The following FBRSL1 variants were observed in gnomAD, a reference collection of about 807,000 sequenced individuals.
FBRSL1 encodes the protein fibrosin like 1.
Under a neutral mutation model 89.6 loss-of-function variants are expected in FBRSL1, and 51 were observed. That is an observed-to-expected ratio of 0.57 (90% CI 0.45 to 0.72). The LOEUF (loss-of-function observed/expected upper bound fraction) is 0.72. FBRSL1 is among the 30% of genes least tolerant of loss of function. The probability of loss-of-function intolerance (pLI) is 0.00; values close to 1 mark genes in which losing one functional copy is unlikely to be tolerated. For missense variants in FBRSL1, 1,618 were observed against 1,451.8 expected, an observed-to-expected ratio of 1.11 and a Z score of -1.86; for synonymous variants, 779 against 681.1, an observed-to-expected ratio of 1.14 and a Z score of -2.24.
chr12:132,491,277 C>T (rs1265050847), intron 1 of FBRSL1, among the ~76,000 whole-genome samples: 1 of 152,222 alleles, frequency 6.6e-6, no homozygotes, highest in African/African-American at 2.4e-5. Flanking sequence ...CCCGTTCCCT[C>T]CTCCCTTCGA....
At chr12:132,528,742 G>T (rs1321288735) in intron 4 of FBRSL1, among the ~76,000 whole-genome samples, 1 of 151,880 alleles carries the variant, frequency 6.6e-6, no homozygotes, top group Non-Finnish European at 1.5e-5. Context: ...CCTCCCTGTG[G>T]GTGCACGGGT....
At chr12:132,531,659 C>T (rs1233996207) in intron 4 of FBRSL1, among the ~76,000 whole-genome samples, 3 of 145,818 alleles carry the variant, frequency 2.1e-5, no homozygotes, top group Non-Finnish European at 4.5e-5. Context: ...GTGCACTTGG[C>T]GTTGTGTGTT....
intron 11 of FBRSL1, among the ~76,000 whole-genome samples, chr12:132,573,164 C>G (rs966589246): frequency 6.6e-6 from 1 of 152,212 alleles, no homozygotes; most frequent in African/African-American, 2.4e-5. Flanking sequence ...ACCCCACCCT[C>G]TGCGGAGGGG....
chr12:132,506,028 C>T (rs889219391), intron 1 of FBRSL1, among the ~76,000 whole-genome samples: 3 of 152,232 alleles, frequency 2.0e-5, no homozygotes, highest in Non-Finnish European at 2.9e-5. Flanking sequence ...TGTCGGAGGC[C>T]TCTCCTCCTC....
intron 6 of FBRSL1, among the ~76,000 whole-genome samples, chr12:132,568,700 A>C (rs915795852): frequency 2.6e-5 from 4 of 152,154 alleles, no homozygotes; most frequent in African/African-American, 9.7e-5. Context: ...GAGATGTGGG[A>C]GAGAGGAGGA....
At chr12:132,582,506 C>T (rs573183920) in intron 18 of FBRSL1, among the ~76,000 whole-genome samples, 3 of 150,738 alleles carry the variant, frequency 2.0e-5, no homozygotes, top group African/African-American at 7.3e-5. Context: ...GGTACGGGGG[C>T]CAAAGCTCTG....
At chr12:132,572,674 G>T in intron 11 of FBRSL1, 52 bp downstream of exon 11, 1 of 1,311,900 alleles carries the variant, frequency 7.6e-7, no homozygotes, top group Non-Finnish European at 1.1e-6. Context: ...GTGGATTTTG[G>T]GGGGAGTGCA....
At chr12:132,576,021 G>A (rs1267270315) in intron 14 of FBRSL1, among the ~76,000 whole-genome samples, 5 of 152,184 alleles carry the variant, frequency 3.3e-5, no homozygotes, top group South Asian at 2.1e-4. Context: ...GCCTCCCACA[G>A]CCGCCTGGCA....
At chr12:132,582,949 G>A (rs1026333915) in intron 18 of FBRSL1, 22 bp from the exon 19 acceptor site, 1 of 1,382,304 alleles carries the variant, frequency 7.2e-7, no homozygotes, top group Non-Finnish European at 9.3e-7. Context: ...CGGGAGTGAC[G>A]GGTCCGCCCT....
At chr12:132,563,511 CTG>C (rs1400291669) in intron 5 of FBRSL1, among the ~76,000 whole-genome samples, 2 of 152,030 alleles carry the variant, frequency 1.3e-5, no homozygotes, top group Non-Finnish European at 2.9e-5. Context: ...TGTGGGAACT[CTG>C]GGGCTTCTCA....
intron 4 of FBRSL1, among the ~76,000 whole-genome samples, chr12:132,547,535 G>T (rs1213206592): frequency 2.0e-5 from 3 of 152,142 alleles, no homozygotes; most frequent in African/African-American, 4.8e-5. Flanking sequence ...AGGAGCTGGG[G>T]TGCCTGGATC....
intron 11 of FBRSL1, 32 bp downstream of exon 11, chr12:132,572,654 C>T (rs770762381): frequency 1.5e-5 from 22 of 1,477,802 alleles, no homozygotes; most frequent in Non-Finnish European, 2.0e-5. Flanking sequence ...GGGGCGGGCA[C>T]AGCGGGTGGG....
At chr12:132,495,809 C>T (rs2136345232) in intron 1 of FBRSL1, among the ~76,000 whole-genome samples, 1 of 152,364 alleles carries the variant, frequency 6.6e-6, no homozygotes, top group East Asian at 1.9e-4. Context: ...CCTGTCCAGG[C>T]CCTGTCTGGG....
Position 132,499,127 on chromosome 12 carries a change from T to A in FBRSL1, c.291+8266T>A, listed in dbSNP as rs2136398583. On this transcript the variant is annotated intron_variant, in intron 1 of 18. Transcript: ENST00000680143. This position sits in a 1 kb window ranked among gnomAD's most constrained non-coding sequence, Gnocchi z 4.3. ...TGGGACTGGTGGGCCTCATCCGGCCTCGGCAGCCGCCCCGCCCATTCCAGA... is the reference window on the plus strand; with the variant it reads ...TGGGACTGGTGGGCCTCATCCGGCCACGGCAGCCGCCCCGCCCATTCCAGA... 6.6e-6 allele frequency among the ~76,000 whole-genome samples: 1 copy of A among 152,332 alleles called. No individual in the cohort carries two copies.
intron 2 of FBRSL1, among the ~76,000 whole-genome samples, chr12:132,524,361 T>TGGGCCGGGGGGATTTGACCTCAG (rs1187603891): frequency 3.3e-5 from 5 of 152,232 alleles, no homozygotes; most frequent in Admixed American, 6.5e-5. Context: ...ATGGACCTCA[T>TGGGCCGGGGGGATTTGACCTCAG]GGGCCGGGGG....
rs1593627159 is a variant in FBRSL1 at position 132,583,989 on chromosome 12, C to A, written c.*211C>A. 1 of 266,760 alleles carries A rather than the reference C, an allele frequency of 3.7e-6. No individual in the cohort carries two copies. The highest frequency in any genetic ancestry group is 7.1e-6 in the Non-Finnish European group (1 of 141,760). 16.5% of individuals were successfully genotyped at this position (266,760 alleles called of 1,614,324 possible). A position where few individuals can be genotyped will look rare whatever the true frequency, so the allele number is the denominator to read the frequency against. On this transcript the variant is annotated 3_prime_UTR_variant, in exon 19 of 19. Coordinates refer to ENST00000680143, the MANE Select transcript of FBRSL1 (RefSeq NM_001367871.1). ...TTCGGCTGTTGGGAAAAAAAAATCGCGTTTGTACCTTTTCCCCCCACAGAT... is the reference window on the plus strand; with the variant it reads ...TTCGGCTGTTGGGAAAAAAAAATCGAGTTTGTACCTTTTCCCCCCACAGAT...
At chr12:132,549,483 G>A (rs951994829) in intron 5 of FBRSL1, among the ~76,000 whole-genome samples, 12 of 152,166 alleles carry the variant, frequency 7.9e-5, no homozygotes, top group African/African-American at 1.4e-4. Context: ...ATGAGGTCAC[G>A]GGCACCCAGG....
chr12:132,506,426 C>T (rs542372010), intron 1 of FBRSL1, among the ~76,000 whole-genome samples: 1 of 152,256 alleles, frequency 6.6e-6, no homozygotes, highest in East Asian at 1.9e-4. Flanking sequence ...GAGGGTACCA[C>T]CCGGTCCCGC....
At position 132,546,816 on chromosome 12, in the gene FBRSL1, C is replaced by T. The variant is rs1466149025; in HGVS notation, c.616-1187C>T. Among the ~76,000 whole-genome samples the T allele has an allele frequency of 2.6e-5, 4 of 152,228 alleles. No homozygotes were observed. Among genetic ancestry groups the T allele is most frequent in the East Asian group, 1.9e-4 (1 of 5,198 alleles). ...GACTCGTCATGCGCTGGGAGCAGCA[C>T]GTTCTCGCTGCAGAGTGTCTGCTAA... On this transcript the variant is annotated intron_variant, in intron 4 of 18. Coordinates refer to ENST00000680143, the MANE Select transcript of FBRSL1 (RefSeq NM_001367871.1). This position sits in a 1 kb window ranked among gnomAD's most constrained non-coding sequence, Gnocchi z 4.0.
Sources: allele counts gnomAD v4.1 joint callset (sites outside exome capture counted in the v4.1 genomes callset), GRCh38; gene constraint gnomAD v4.1.1; non-coding constraint Gnocchi (gnomAD v3.1); transcripts MANE v1.5; gene names NCBI Gene and HGNC (gene_info 2026-07-23, HGNC 2026-07-21).